IMMP2L: variants seen among roughly 807,000 people sequenced by gnomAD.
The protein encoded by IMMP2L is mitochondrial inner membrane protease subunit 2.
In IMMP2L, 18 loss-of-function variants were observed where a neutral mutation model predicts 19.3. The ratio of observed to expected loss-of-function variants is 0.93; its 90% CI spans 0.64 to 1.38. The LOEUF is 1.38. Among genes scored for constraint, IMMP2L ranks in the 40% most tolerant of loss-of-function variants. The pLI is 0.00. For synonymous variants in IMMP2L, 76 were observed against 73.0 expected, an observed-to-expected ratio of 1.04 and a Z score of -0.21; for missense variants, 233 against 218.2, an observed-to-expected ratio of 1.07 and a Z score of -0.43.
intron 3 of IMMP2L, among the ~76,000 whole-genome samples, chr7:111,051,305 T>A (rs1214705907): frequency 6.6e-6 from 1 of 152,178 alleles, no homozygotes; most frequent in Non-Finnish European, 1.5e-5. Flanking sequence ...ACTGAGTTAT[T>A]TTGTTTCTGA....
chr7:111,173,251 A>T (rs1464890275), intron 3 of IMMP2L, among the ~76,000 whole-genome samples: 1 of 151,634 alleles, frequency 6.6e-6, no homozygotes. Context: ...CTCTCTTTAG[A>T]TGAAATAAAA....
At chr7:111,507,471 C>A (rs772033917) in intron 2 of IMMP2L, among the ~76,000 whole-genome samples, 1 of 151,840 alleles carries the variant, frequency 6.6e-6, no homozygotes, top group Non-Finnish European at 1.5e-5. Flanking sequence ...GTTTAAGTAC[C>A]ATAAAACACA....
At chr7:111,021,436 T>C (rs1487907093) in intron 3 of IMMP2L, among the ~76,000 whole-genome samples, 4 of 152,228 alleles carry the variant, frequency 2.6e-5, no homozygotes, top group African/African-American at 7.2e-5. Context: ...TATCCGAGAC[T>C]GGGTAATTTA....
chr7:111,448,301 G>T (rs1193730281), intron 3 of IMMP2L, among the ~76,000 whole-genome samples: 2 of 135,620 alleles, frequency 1.5e-5, no homozygotes, highest in Non-Finnish European at 3.1e-5. Context: ...TGACCACATA[G>T]TTGGAAGTAA....
At chr7:110,839,054 C>T (rs1176838376) in intron 5 of IMMP2L, among the ~76,000 whole-genome samples, 3 of 152,028 alleles carry the variant, frequency 2.0e-5, no homozygotes, top group African/African-American at 7.2e-5. Flanking sequence ...GTTAGTTTAA[C>T]AACAAATTTC....
intron 5 of IMMP2L, among the ~76,000 whole-genome samples, chr7:110,687,969 A>T (rs1173843158): frequency 6.6e-6 from 1 of 151,032 alleles, no homozygotes; most frequent in Non-Finnish European, 1.5e-5. Flanking sequence ...CTTGGAAAAG[A>T]GCCATCATAT....
At chr7:111,007,847 A>AT (rs1457605118) in intron 3 of IMMP2L, among the ~76,000 whole-genome samples, 3 of 152,026 alleles carry the variant, frequency 2.0e-5, no homozygotes, top group Non-Finnish European at 2.9e-5. Flanking sequence ...CTAAAACAAC[A>AT]TCCCAAACCA....
chr7:111,074,039 A>G (rs1012584603), intron 3 of IMMP2L, among the ~76,000 whole-genome samples: 1 of 152,210 alleles, frequency 6.6e-6, no homozygotes, highest in Non-Finnish European at 1.5e-5. Flanking sequence ...CTGCATAGAT[A>G]ACACTTGCTG....
intron 2 of IMMP2L, among the ~76,000 whole-genome samples, chr7:111,506,932 T>G (rs534721842): frequency 6.6e-6 from 1 of 151,874 alleles, no homozygotes; most frequent in African/African-American, 2.4e-5. Context: ...ACCTCTGCCT[T>G]CTGAGCTCTG....
Position 111,123,523 on chromosome 7 carries a change from G to A in IMMP2L, c.240-159958C>T. Reference sequence around the variant, plus strand: ...TTTTTACGATAACAGGCTTATTAAAGTACCCCATGTTGCTCTTCAAAAAGT... The same window carrying A: ...TTTTTACGATAACAGGCTTATTAAAATACCCCATGTTGCTCTTCAAAAAGT... On this transcript the variant is annotated intron_variant, in intron 3 of 5. Transcript: ENST00000405709. This position sits in a 1 kb window ranked among gnomAD's most constrained non-coding sequence, Gnocchi z 6.4. 1 of 1,613,842 alleles carries A rather than the reference G, an allele frequency of 6.2e-7. No homozygotes were observed. Among genetic ancestry groups the A allele is most frequent in the Non-Finnish European group, 8.5e-7 (1 of 1,179,928 alleles).
rs1199860813 is a variant in IMMP2L, at chr7:110,902,982, A to G, written c.306-16287T>C. On this transcript the variant is annotated intron_variant, in intron 4 of 5. Transcript: ENST00000405709. ...GAGTACAGACTCTATTTTGTAGGCAATGGGGAACATCTGAAGGGTGTTAAT... is the reference window on the plus strand; with the variant it reads ...GAGTACAGACTCTATTTTGTAGGCAGTGGGGAACATCTGAAGGGTGTTAAT... 3.9e-5 allele frequency among the ~76,000 whole-genome samples: 6 copies of G among 151,902 alleles called. No individual in the cohort carries two copies. In the East Asian group the frequency reaches 1.2e-3, roughly 29 times the overall value.
intron 5 of IMMP2L, among the ~76,000 whole-genome samples, chr7:110,855,959 G>C (rs1393431641): frequency 6.6e-6 from 1 of 151,906 alleles, no homozygotes; most frequent in Non-Finnish European, 1.5e-5. Flanking sequence ...AAATAATAAT[G>C]TGATAGACCG....
chr7:111,531,827 C>T (rs1430625737), intron 1 of IMMP2L, among the ~76,000 whole-genome samples: 2 of 152,044 alleles, frequency 1.3e-5, no homozygotes, highest in Non-Finnish European at 2.9e-5. Flanking sequence ...ATACTTTTCA[C>T]CATAAGTCCA....
At chr7:110,842,340 C>T (rs747985556) in intron 5 of IMMP2L, among the ~76,000 whole-genome samples, 1 of 152,172 alleles carries the variant, frequency 6.6e-6, no homozygotes, top group Non-Finnish European at 1.5e-5. Context: ...GGATGCTGGG[C>T]CAGCTGACCA....
At chr7:111,118,451 T>A (rs1158098565) in intron 3 of IMMP2L, among the ~76,000 whole-genome samples, 2 of 152,072 alleles carry the variant, frequency 1.3e-5, no homozygotes, top group African/African-American at 4.8e-5. Context: ...ATATAAGATA[T>A]GAGAATTCTT....
intron 3 of IMMP2L, among the ~76,000 whole-genome samples, chr7:111,085,018 T>C (rs1044920950): frequency 2.0e-5 from 3 of 152,114 alleles, no homozygotes; most frequent in Admixed American, 2.0e-4. Flanking sequence ...GTCAATCCCC[T>C]GAGTGAAAAG....
At chr7:111,441,408 A>G (rs1223307260) in intron 3 of IMMP2L, among the ~76,000 whole-genome samples, 2 of 151,770 alleles carry the variant, frequency 1.3e-5, no homozygotes, top group Non-Finnish European at 2.9e-5. Flanking sequence ...CTCAGGGAAT[A>G]GGTAAGCCCA....
At chr7:111,482,670 CA>C (rs1434749280) in intron 3 of IMMP2L, among the ~76,000 whole-genome samples, 1 of 152,090 alleles carries the variant, frequency 6.6e-6, no homozygotes, top group African/African-American at 2.4e-5. Flanking sequence ...GAAATCCTAC[CA>C]TCTCTTTCTT....
At chr7:110,704,674 C>A (rs538483284) in intron 5 of IMMP2L, among the ~76,000 whole-genome samples, 3 of 152,270 alleles carry the variant, frequency 2.0e-5, no homozygotes, top group East Asian at 1.9e-4. Context: ...TTCCTACTCA[C>A]CTGGTTTTGC....
Sources: gnomAD v4.1 joint callset for allele counts (sites outside exome capture counted in the v4.1 genomes callset) on GRCh38, gnomAD v4.1.1 for gene constraint, Gnocchi (gnomAD v3.1) non-coding constraint, MANE v1.5 for transcripts, NCBI Gene and HGNC (gene_info 2026-07-23, HGNC 2026-07-21) for gene names.